The following PSPC1 variants were observed in gnomAD, a reference collection of about 807,000 sequenced individuals.
PSPC1 encodes paraspeckle component 1, also known as paraspeckle protein 1.
PSPC1 carries 14 observed loss-of-function variants against 51.6 expected under a neutral mutation model. The observed-to-expected ratio is 0.27, with a 90% CI of 0.18 to 0.42. PSPC1 has a LOEUF of 0.42. PSPC1 is among the 10% of genes least tolerant of loss of function. The pLI is 1.00. For synonymous variants in PSPC1, 193 were observed against 231.9 expected, an observed-to-expected ratio of 0.83 and a Z score of 1.53; for missense variants, 406 against 701.1, an observed-to-expected ratio of 0.58 and a Z score of 4.75.
At chr13:19,671,897 G>A (rs774483617), downstream of PSPC1, 105 of 1,612,350 alleles carry the variant, frequency 6.5e-5, no homozygotes, top group Non-Finnish European at 8.5e-5. Flanking sequence ...GGACTGGGCG[G>A]AGTTCTCTTC....
chr13:19,724,170 T>G (rs1401720224), intron 6 of PSPC1, among the ~76,000 whole-genome samples: 2 of 152,206 alleles, frequency 1.3e-5, no homozygotes, highest in Admixed American at 1.3e-4. Context: ...CTTTAAAAAC[T>G]GTAGAAAAAG....
intron 6 of PSPC1, among the ~76,000 whole-genome samples, chr13:19,721,573 T>A (rs548971379): frequency 9.2e-5 from 14 of 152,278 alleles, no homozygotes; most frequent in African/African-American, 3.4e-4. Flanking sequence ...TTAATGACAC[T>A]CTCAGTAGAG....
chr13:19,713,694 A>G (rs185460994), intron 6 of PSPC1, among the ~76,000 whole-genome samples: 82 of 152,296 alleles, frequency 5.4e-4, no homozygotes, highest in African/African-American at 1.9e-3. Flanking sequence ...ATTCAAGTGT[A>G]CTTAAATTAA....
chr13:19,694,782 G>A (rs530026555), intron 6 of PSPC1, among the ~76,000 whole-genome samples: 1 of 152,254 alleles, frequency 6.6e-6, no homozygotes, highest in African/African-American at 2.4e-5. Flanking sequence ...AACTGTGGCC[G>A]CTTACTTCAG....
Position 19,782,350 on chromosome 13 carries a change from T to C in PSPC1, c.372+36A>G, listed in dbSNP as rs564228688. 122 of 1,542,604 alleles carry C rather than the reference T, an allele frequency of 7.9e-5. No homozygotes were observed. The South Asian group carries it at 1.4e-3, about 18-fold the overall frequency. ...CACGACCCCGCGGCCACCCCGACAG[T>C]CCTTTTGTTCCCTCGCGCGGGCGCC... is the stretch of plus-strand genomic sequence containing the variant. On this transcript the variant is annotated intron_variant, in intron 1 of 8. Coordinates refer to ENST00000338910, the MANE Select transcript of PSPC1 (RefSeq NM_001354909.2). The surrounding 1 kb of genome is among the most constrained non-coding windows in gnomAD (Gnocchi z 4.5).
chr13:19,706,762 A>T (rs1242274620), intron 7 of PSPC1, among the ~76,000 whole-genome samples: 3 of 152,136 alleles, frequency 2.0e-5, no homozygotes, highest in Admixed American at 2.0e-4. Flanking sequence ...TTCTTCTAGT[A>T]TTTCATTACA....
chr13:19,735,460 G>A (rs1884671057), intron 5 of PSPC1, among the ~76,000 whole-genome samples: 2 of 152,118 alleles, frequency 1.3e-5, no homozygotes, highest in Non-Finnish European at 2.9e-5. Flanking sequence ...CCCTCATCCT[G>A]GTCTTCCTTT....
At chr13:19,700,217 G>A (rs1879738962), downstream of PSPC1, among the ~76,000 whole-genome samples, 1 of 151,942 alleles carries the variant, frequency 6.6e-6, no homozygotes, top group African/African-American at 2.4e-5. Context: ...CATATAAGTA[G>A]CAAGTTACTG....
chr13:19,690,820 A>G lies in PSPC1; in HGVS notation c.1159-12997T>C, dbSNP rs575863351. 6.2e-4 allele frequency among the ~76,000 whole-genome samples: 95 copies of G among 152,308 alleles called. 1 individual carries two copies. The South Asian group carries it at 0.011, about 17-fold the overall frequency. On this transcript the variant is annotated intron_variant and NMD_transcript_variant, in intron 6 of 7. Transcript: ENST00000471658. ...ACTTTCTTCTCTTTCCTCTTTAGAC[A>G]GGGTACATATTCTACCAACGTCTAT...
At chr13:19,775,991 C>T (rs1889079986) in intron 1 of PSPC1, among the ~76,000 whole-genome samples, 1 of 151,892 alleles carries the variant, frequency 6.6e-6, no homozygotes, top group Non-Finnish European at 1.5e-5. Context: ...GCGGAACTTG[C>T]AGTGAGCCGC....
chr13:19,721,117 T>C (rs936581688), intron 6 of PSPC1, among the ~76,000 whole-genome samples: 9 of 152,166 alleles, frequency 5.9e-5, no homozygotes, highest in Non-Finnish European at 1.2e-4. Context: ...ATATGAAGTA[T>C]AGAAGATCTT....
downstream of PSPC1, among the ~76,000 whole-genome samples, chr13:19,698,521 A>G (rs973776375): frequency 6.6e-6 from 1 of 151,940 alleles, no homozygotes; most frequent in Non-Finnish European, 1.5e-5. Context: ...CAAACTAAGT[A>G]CATTTCCACT....
At chr13:19,721,454 A>T (rs1282143796) in intron 6 of PSPC1, among the ~76,000 whole-genome samples, 1 of 152,198 alleles carries the variant, frequency 6.6e-6, no homozygotes, top group Non-Finnish European at 1.5e-5. Flanking sequence ...AGAACTTACC[A>T]TTTCAAATGA....
At chr13:19,709,340 A>T (rs1339732319) in intron 7 of PSPC1, among the ~76,000 whole-genome samples, 2 of 152,060 alleles carry the variant, frequency 1.3e-5, no homozygotes, top group African/African-American at 4.8e-5. Flanking sequence ...CTTCAAACAA[A>T]AACAAAATGA....
downstream of PSPC1, among the ~76,000 whole-genome samples, chr13:19,699,730 A>T (rs561472905): frequency 6.6e-6 from 1 of 152,156 alleles, no homozygotes; most frequent in South Asian, 2.1e-4. Context: ...CCCCCCAAAA[A>T]GTCCATGCCT....
Position 19,770,652 on chromosome 13 carries a change from G to T in PSPC1, c.674+1590C>A, listed in dbSNP as rs553999842. 9.0e-4 allele frequency among the ~76,000 whole-genome samples: 137 copies of T among 152,234 alleles called. 2 individuals carry two copies. The highest frequency in any genetic ancestry group is 1.6e-3 in the Non-Finnish European group (107 of 68,012). On this transcript the variant is annotated intron_variant, in intron 2 of 8. Transcript: ENST00000338910. The stretch of plus-strand genomic sequence containing the variant: ...AAAATATAAAAATTAGCCGGACACA[G>T]TGGTTCACGCTTGTAATCCCAACTA...
At chr13:19,720,803 T>C (rs1164356321) in intron 6 of PSPC1, among the ~76,000 whole-genome samples, 2 of 152,112 alleles carry the variant, frequency 1.3e-5, no homozygotes, top group African/African-American at 2.4e-5. Context: ...TAGTATAAGA[T>C]ACCATTAAGA....
downstream of PSPC1, among the ~76,000 whole-genome samples, chr13:19,698,318 T>A (rs1356800765): frequency 6.6e-6 from 1 of 151,944 alleles, no homozygotes; most frequent in African/African-American, 2.4e-5. Context: ...AAAATTAAGA[T>A]AAAATTTAGA....
downstream of PSPC1, among the ~76,000 whole-genome samples, chr13:19,700,092 T>C (rs1471807106): frequency 3.3e-5 from 5 of 152,074 alleles, no homozygotes; most frequent in African/African-American, 7.2e-5. Context: ...ATTTCAATCA[T>C]ATATGTCCTT....
Sources: allele counts gnomAD v4.1 joint callset (sites outside exome capture counted in the v4.1 genomes callset), GRCh38; gene constraint gnomAD v4.1.1; non-coding constraint Gnocchi (gnomAD v3.1); transcripts MANE v1.5; gene names NCBI Gene and HGNC (gene_info 2026-07-23, HGNC 2026-07-21).